ZNF148: variants seen among roughly 807,000 people sequenced by gnomAD.
ZNF148 encodes the protein zinc finger protein 148, also known as Beta-Enolase Repressor Factor-1.
A neutral mutation model predicts 67.7 loss-of-function variants in ZNF148; 7 were observed. That is an observed-to-expected ratio of 0.10 (90% CI 0.06 to 0.19). The LOEUF is 0.19. ZNF148 is among the 10% of genes least tolerant of loss of function. ZNF148 has a pLI of 1.00. For missense variants in ZNF148, 583 were observed against 947.1 expected (o/e 0.62, Z 5.05); for synonymous variants, 333 against 330.7 (o/e 1.01, Z -0.08).
intron 7 of ZNF148, 106 bp from the exon 8 acceptor site, chr3:125,234,435 C>A (rs149158628): frequency 4.0e-6 from 3 of 755,540 alleles, no homozygotes; most frequent in East Asian, 5.1e-5. Flanking sequence ...GTTGTAACTT[C>A]CAATTTCATT....
intron 7 of ZNF148, among the ~76,000 whole-genome samples, chr3:125,243,575 G>C (rs765987968): frequency 3.9e-5 from 6 of 152,074 alleles, no homozygotes; most frequent in Non-Finnish European, 8.8e-5. Context: ...GGCTGGAGTG[G>C]AGTGACACAA....
At chr3:125,374,487 G>C (rs112032849) in intron 1 of ZNF148, among the ~76,000 whole-genome samples, 8 of 151,800 alleles carry the variant, frequency 5.3e-5, no homozygotes, top group African/African-American at 1.9e-4. Flanking sequence ...AATACCTAAC[G>C]TATCTGCACA....
At chr3:125,288,589 A>C (rs536234788) in intron 4 of ZNF148, among the ~76,000 whole-genome samples, 3 of 152,196 alleles carry the variant, frequency 2.0e-5, no homozygotes, top group Admixed American at 6.6e-5. Context: ...GCGCACAAAA[A>C]AGGTTAAGGT....
At chr3:125,277,960 T>C (rs1938162010) in intron 6 of ZNF148, 151 bp from the exon 7 acceptor site, 1 of 531,452 alleles carries the variant, frequency 1.9e-6, no homozygotes. Flanking sequence ...CAGAATTTTA[T>C]GTCCTCTCAA....
chr3:125,348,480 CAAAAAAAAA>C (rs35810148), intron 1 of ZNF148, among the ~76,000 whole-genome samples: 1 of 60,732 alleles, frequency 1.6e-5, no homozygotes, highest in Non-Finnish European at 3.0e-5. Context: ...GACCCTGTCT[CAAAAAAAAA>C]AAAAAAAAAA....
At chr3:125,312,749 T>C (rs1049580720) in intron 4 of ZNF148, among the ~76,000 whole-genome samples, 1 of 152,200 alleles carries the variant, frequency 6.6e-6, no homozygotes, top group Non-Finnish European at 1.5e-5. Flanking sequence ...CACTGATTAT[T>C]GGGTAAAAAT....
intron 1 of ZNF148, among the ~76,000 whole-genome samples, chr3:125,345,437 G>A (rs1010979120): frequency 5.9e-5 from 9 of 151,840 alleles, no homozygotes; most frequent in East Asian, 1.9e-4. Flanking sequence ...GAAAGATGTC[G>A]AACCAGTAAT....
chr3:125,343,870 C>G (rs371885371), intron 1 of ZNF148, among the ~76,000 whole-genome samples: 1 of 152,026 alleles, frequency 6.6e-6, no homozygotes, highest in African/African-American at 2.4e-5. Flanking sequence ...ACGAACCCAC[C>G]GACAGGAACC....
intron 7 of ZNF148, among the ~76,000 whole-genome samples, chr3:125,264,955 G>T (rs1431206266): frequency 6.6e-6 from 1 of 152,190 alleles, no homozygotes; most frequent in East Asian, 1.9e-4. Flanking sequence ...GCTGCTGAGT[G>T]AATATATCCA....
chr3:125,237,244 ATGT>A (rs776399409), intron 7 of ZNF148, among the ~76,000 whole-genome samples: 2 of 152,150 alleles, frequency 1.3e-5, no homozygotes, highest in Admixed American at 6.6e-5. Context: ...ATTACAGGCA[ATGT>A]TGTTGGACAG....
At chr3:125,293,230 T>G (rs2107634773) in intron 4 of ZNF148, among the ~76,000 whole-genome samples, 1 of 152,276 alleles carries the variant, frequency 6.6e-6, no homozygotes, top group African/African-American at 2.4e-5. Context: ...ATTTGAGAGC[T>G]GCTAATCTAG....
intron 7 of ZNF148, among the ~76,000 whole-genome samples, chr3:125,239,862 C>G (rs760893476): frequency 2.6e-5 from 4 of 152,182 alleles, no homozygotes; most frequent in Admixed American, 2.0e-4. Flanking sequence ...AGGCTACACA[C>G]ATGCCCCAAA....
chr3:125,255,857 T>TC (rs1196659610), intron 7 of ZNF148, among the ~76,000 whole-genome samples: 1 of 152,110 alleles, frequency 6.6e-6, no homozygotes, highest in East Asian at 1.9e-4. Context: ...GTCTTTTTTT[T>TC]CCCTGCCTGT....
At chr3:125,313,744 T>C (rs1446147840) in intron 3 of ZNF148, 88 bp from the exon 4 acceptor site, 1 of 1,057,998 alleles carries the variant, frequency 9.5e-7, no homozygotes, top group East Asian at 2.6e-5. Flanking sequence ...AATTTGAACA[T>C]TCAAATACAA....
intron 1 of ZNF148, among the ~76,000 whole-genome samples, chr3:125,340,534 AC>A (rs1941670415): frequency 6.6e-6 from 1 of 152,208 alleles, no homozygotes; most frequent in Non-Finnish European, 1.5e-5. Flanking sequence ...ACAATCAGAA[AC>A]CCAGCATGGG....
At chr3:125,270,154 C>T (rs1482102022) in intron 7 of ZNF148, among the ~76,000 whole-genome samples, 1 of 151,992 alleles carries the variant, frequency 6.6e-6, no homozygotes, top group Non-Finnish European at 1.5e-5. Context: ...CCTATGACCT[C>T]GTCAATTCAC....
chr3:125,292,749 GCATGGGGACTC>G (rs1161288918), intron 4 of ZNF148: 3 of 152,200 alleles, frequency 2.0e-5, no homozygotes, highest in African/African-American at 7.2e-5. Context: ...AGCCAGCATA[GCATGGGGACTC>G]CTGAAGGTCC....
chr3:125,307,689 G>C (rs1939959763), intron 4 of ZNF148, among the ~76,000 whole-genome samples: 1 of 152,106 alleles, frequency 6.6e-6, no homozygotes, highest in African/African-American at 2.4e-5. Context: ...CTGTCACCCA[G>C]GCTGGAGTAC....
At chr3:125,354,973 T>A (rs1488754465) in intron 1 of ZNF148, among the ~76,000 whole-genome samples, 1 of 152,234 alleles carries the variant, frequency 6.6e-6, no homozygotes, top group Admixed American at 6.5e-5. Context: ...ACCCTTTCCC[T>A]CAGCAATGAT....
Sources: allele counts gnomAD v4.1 joint callset (sites outside exome capture counted in the v4.1 genomes callset), GRCh38; gene constraint gnomAD v4.1.1; transcripts MANE v1.5; gene names NCBI Gene and HGNC (gene_info 2026-07-23, HGNC 2026-07-21).